Variants in ANP32B observed in about 807,000 individuals in gnomAD.
ANP32B encodes acidic leucine-rich nuclear phosphoprotein 32 family member B.
A neutral mutation model predicts 32.2 loss-of-function variants in ANP32B; 6 were observed. That is an observed-to-expected ratio of 0.19 (90% confidence interval 0.10 to 0.37). The LOEUF (loss-of-function observed/expected upper bound fraction) is 0.37, where lower values mean the gene tolerates loss of function less well. Among genes scored for constraint, ANP32B ranks in the 10% least tolerant of loss-of-function variants. The pLI is 1.00. For synonymous variants in ANP32B, 98 were observed against 105.8 expected (o/e 0.93, Z 0.45); for missense variants, 204 against 289.2 (o/e 0.71, Z 2.14).
intron 2 of ANP32B, 113 bp from the exon 3 acceptor site, chr9:97,998,443 T>G (rs540215290): frequency 8.6e-7 from 1 of 1,168,556 alleles, no homozygotes; most frequent in South Asian, 1.8e-5. Flanking sequence ...GAAATAGGGA[T>G]CATTTGATCT....
At chr9:98,008,532 C>G (rs1240157112) in intron 4 of ANP32B, among the ~76,000 whole-genome samples, 2 of 152,192 alleles carry the variant, frequency 1.3e-5, no homozygotes, top group Non-Finnish European at 2.9e-5. Context: ...ACTTCAAAAT[C>G]TCCATATATT....
chr9:98,014,275 G>A (rs971975394), intron 6 of ANP32B, among the ~76,000 whole-genome samples: 1 of 152,008 alleles, frequency 6.6e-6, no homozygotes, highest in African/African-American at 2.4e-5. Flanking sequence ...GGGTGTGGTG[G>A]CAGGCGCCTG....
At chr9:97,991,780 T>C (rs570994567) in intron 1 of ANP32B, among the ~76,000 whole-genome samples, 6 of 152,220 alleles carry the variant, frequency 3.9e-5, no homozygotes, top group African/African-American at 1.2e-4. Flanking sequence ...AGTAAAGATA[T>C]GGCATTATTT....
chr9:97,993,164 CTTCTGAA>C (rs1445089799), intron 1 of ANP32B, among the ~76,000 whole-genome samples: 1 of 152,162 alleles, frequency 6.6e-6, no homozygotes, highest in East Asian at 1.9e-4. Flanking sequence ...GGATGCCTGG[CTTCTGAA>C]GAGGAAGTAG....
chr9:97,996,841 C>T (rs772289816), intron 2 of ANP32B, among the ~76,000 whole-genome samples: 2 of 151,978 alleles, frequency 1.3e-5, no homozygotes, highest in Middle Eastern at 3.4e-3. Flanking sequence ...CTCAGGTGAT[C>T]AGCCCACCTC....
At chr9:98,000,461 T>G (rs2131586670) in intron 3 of ANP32B, among the ~76,000 whole-genome samples, 1 of 152,352 alleles carries the variant, frequency 6.6e-6, no homozygotes, top group East Asian at 1.9e-4. Flanking sequence ...TTCCAGTATT[T>G]AAGCCGACAT....
intron 6 of ANP32B, 57 bp downstream of exon 6, chr9:98,012,529 C>A (rs2131593175): frequency 6.2e-7 from 1 of 1,602,394 alleles, no homozygotes; most frequent in African/African-American, 1.3e-5. Flanking sequence ...GAAAAACATC[C>A]ATTATTTAGA....
chr9:98,014,051 C>A (rs1190845044), intron 6 of ANP32B, among the ~76,000 whole-genome samples: 1 of 152,050 alleles, frequency 6.6e-6, no homozygotes, highest in East Asian at 1.9e-4. Flanking sequence ...CAGGTGTTCA[C>A]TGTGCTGTTG....
chr9:97,994,858 C>T, intron 2 of ANP32B, 78 bp downstream of exon 2: 1 of 1,405,012 alleles, frequency 7.1e-7, no homozygotes, highest in South Asian at 1.4e-5. Flanking sequence ...TAAGGAAGCA[C>T]TTAGTGTAGC....
chr9:97,998,450 A>C, intron 2 of ANP32B, 106 bp from the exon 3 acceptor site: 1 of 1,253,976 alleles, frequency 8.0e-7, no homozygotes, highest in Non-Finnish European at 1.1e-6. Context: ...GGATCATTTG[A>C]TCTTGATAAA....
At chr9:97,987,241 C>G (rs778285041) in intron 1 of ANP32B, among the ~76,000 whole-genome samples, 5 of 141,790 alleles carry the variant, frequency 3.5e-5, no homozygotes, top group Non-Finnish European at 8.1e-5. Flanking sequence ...CATAGTGGAA[C>G]AAAATGGCCT....
rs1273645174 is a variant in ANP32B at position 97,983,609 on chromosome 9, T to C, written c.54T>C (p.Ala18=). 17 of 1,576,040 alleles carry C rather than the reference T, an allele frequency of 1.1e-5. No homozygotes were observed. Among genetic ancestry groups the C allele is most frequent in the Non-Finnish European group, 1.5e-5 (17 of 1,162,100 alleles). Reference sequence around the variant, plus strand: ...AGCTGAGGAACCGGACCCCGGCAGCTGTAAGCAGAGACCCCTCTGGGTGCC... The same window carrying C: ...AGCTGAGGAACCGGACCCCGGCAGCCGTAAGCAGAGACCCCTCTGGGTGCC... The part of the protein sequence containing the change: ...HLELRNRTPA[A]VRELVLDNCK... The change falls in exon 1 of 7, where the codon GCT becomes GCC. Residue 18 remains alanine (A), a splice_region_variant and synonymous_variant. Coordinates refer to ENST00000339399, the MANE Select transcript of ANP32B (RefSeq NM_006401.3).
chr9:97,985,967 AT>A (rs1232564176), intron 1 of ANP32B, among the ~76,000 whole-genome samples: 2 of 152,152 alleles, frequency 1.3e-5, no homozygotes, highest in African/African-American at 4.8e-5. Flanking sequence ...GATTACAGGC[AT>A]GCGCCACCAT....
chr9:97,989,877 T>G (rs1279004553), intron 1 of ANP32B, among the ~76,000 whole-genome samples: 1 of 152,198 alleles, frequency 6.6e-6, no homozygotes, highest in Non-Finnish European at 1.5e-5. Context: ...ATTCAACAGA[T>G]GCAGAGAGAA....
At chr9:98,014,709 T>G (rs72755411) in intron 6 of ANP32B, among the ~76,000 whole-genome samples, 479 of 152,336 alleles carry the variant, frequency 3.1e-3, no homozygotes, top group Non-Finnish European at 4.7e-3. Flanking sequence ...CTGAGATCAC[T>G]TGAAAGTAAG....
At chr9:97,994,168 C>G (rs1439800204) in intron 1 of ANP32B, among the ~76,000 whole-genome samples, 1 of 152,092 alleles carries the variant, frequency 6.6e-6, no homozygotes. Context: ...GTGCAGAAAC[C>G]TCTAGCCAGA....
At chr9:97,999,850 A>C (rs941699519) in intron 3 of ANP32B, among the ~76,000 whole-genome samples, 2 of 152,128 alleles carry the variant, frequency 1.3e-5, no homozygotes, top group Admixed American at 1.3e-4. Flanking sequence ...TGCTATTTGG[A>C]AGAGGGTTAT....
rs756733688 is a variant in ANP32B at position 98,015,720 on chromosome 9, A to G, written c.*289A>G. ...CGTGGATAGCTGTGATTGGTGAGTC[A>G]ACCGTCTGTGGCTACCAGTTACACT... On this transcript the variant is annotated 3_prime_UTR_variant, in exon 7 of 7. Coordinates refer to ENST00000339399, the MANE Select transcript of ANP32B (RefSeq NM_006401.3). The G allele has an allele frequency of 9.5e-6, 10 of 1,054,842 alleles. No individual in the cohort carries two copies. Among genetic ancestry groups the G allele is most frequent in the Non-Finnish European group, 1.1e-5 (10 of 873,510 alleles). The allele number at this position is 1,054,842 out of a possible 1,614,324, so 65.3% of individuals were successfully genotyped here.
chr9:98,006,351 CT>C (rs1169353834), intron 4 of ANP32B, among the ~76,000 whole-genome samples: 1 of 152,078 alleles, frequency 6.6e-6, no homozygotes, highest in African/African-American at 2.4e-5. Flanking sequence ...GAATCTGATG[CT>C]TTTTTTAGTC....
Sources: allele counts gnomAD v4.1 joint callset (sites outside exome capture counted in the v4.1 genomes callset), GRCh38; gene constraint gnomAD v4.1.1; transcripts MANE v1.5; gene names NCBI Gene and HGNC (gene_info 2026-07-23, HGNC 2026-07-21).